The following PLA2G4E variants were observed in gnomAD, a reference collection of about 807,000 sequenced individuals.
PLA2G4E encodes phospholipase A2 group IVE.
A neutral mutation model predicts 109.1 loss-of-function variants in PLA2G4E; 84 were observed. That is an observed-to-expected ratio of 0.77 (90% CI 0.65 to 0.92). The LOEUF (loss-of-function observed/expected upper bound fraction) is 0.92, where lower values mean the gene tolerates loss of function less well. Among genes scored for constraint, PLA2G4E ranks in the 40% least tolerant of loss-of-function variants. The pLI, the probability that PLA2G4E is intolerant of heterozygous loss-of-function variation, is 0.00. For synonymous variants in PLA2G4E, 469 were observed against 436.1 expected (o/e 1.08, Z -0.94); for missense variants, 1,057 against 1,076.6 (o/e 0.98, Z 0.25).
rs116587171 is a variant in PLA2G4E at position 42,001,131 on chromosome 15, T to C, written c.673+26A>G. 4.6e-3 allele frequency: 7,311 copies of C among 1,596,944 alleles called. 326 individuals carry two copies. The African/African-American group carries it at 0.087, about 19-fold the overall frequency. On this transcript the variant is annotated intron_variant, in intron 7 of 19. Coordinates refer to ENST00000399518, the Ensembl canonical transcript of PLA2G4E. ...GAAGCAGCTCCCCCTTGTCCCCCAG[T>C]AGGCAGAAAAGGCAAAACAGCTCAC...
chr15:42,007,828 G>A (rs765219983), exon 3 of PLA2G4E: 1 of 1,608,844 alleles, frequency 6.2e-7, no homozygotes, highest in Admixed American at 1.7e-5. Flanking sequence ...GAGAGGCGGT[G>A]GGCAGCCAGA....
intron 10 of PLA2G4E, chr15:41,997,497 A>C: frequency 1.1e-5 from 4 of 357,348 alleles, no homozygotes; most frequent in Non-Finnish European, 1.0e-5. Context: ...AGCTGGCACA[A>C]TGCGAGCTGG....
intron 10 of PLA2G4E, 129 bp from the exon 11 acceptor site, chr15:41,997,388 C>T (rs990057201): frequency 1.9e-5 from 20 of 1,065,242 alleles, no homozygotes; most frequent in Non-Finnish European, 2.3e-5. Context: ...GACCTTGGGT[C>T]TCCACTTTCC....
chr15:42,037,613 A>G (rs556340386), intron 1 of PLA2G4E, among the ~76,000 whole-genome samples: 378 of 152,330 alleles, frequency 2.5e-3, no homozygotes, highest in African/African-American at 8.7e-3. Flanking sequence ...TAAAAGATCT[A>G]TAACACAAAC....
At chr15:42,023,825 A>G (rs901648034) in intron 1 of PLA2G4E, among the ~76,000 whole-genome samples, 6 of 152,206 alleles carry the variant, frequency 3.9e-5, no homozygotes, top group African/African-American at 7.2e-5. Context: ...AACTCCTCAG[A>G]GCAGGGTCTC....
rs1320706168 is a variant in PLA2G4E, at chr15:42,013,574, C to T, written c.256+111G>A. 246 of 1,008,140 alleles carry T rather than the reference C, an allele frequency of 2.4e-4. 3 individuals are homozygous for T. Among genetic ancestry groups the T allele is most frequent in the Non-Finnish European group, 3.1e-4 (209 of 670,056 alleles). 62.4% of individuals were successfully genotyped at this position (1,008,140 alleles called of 1,614,324 possible). ...TACACGTATACACCATGCACGTGCA[C>T]ACGTGCGCGCGCACACACACACACG... On this transcript the variant is annotated intron_variant, in intron 2 of 19. Coordinates refer to ENST00000399518, the Ensembl canonical transcript of PLA2G4E.
intron 12 of PLA2G4E, among the ~76,000 whole-genome samples, chr15:41,993,544 T>C (rs1022029994): frequency 4.6e-5 from 7 of 152,122 alleles, no homozygotes; most frequent in Non-Finnish European, 1.0e-4. Context: ...TCCCTTTCTC[T>C]TCTTAACTTA....
At chr15:42,030,897 C>T (rs1398137624) in intron 1 of PLA2G4E, among the ~76,000 whole-genome samples, 1 of 152,224 alleles carries the variant, frequency 6.6e-6, no homozygotes, top group African/African-American at 2.4e-5. Context: ...TTTTTCATTG[C>T]TGTGTAGCAT....
Position 42,006,551 on chromosome 15 carries a change from C to T in PLA2G4E, c.394-430G>A, listed in dbSNP as rs147026348. Among the ~76,000 whole-genome samples, 4 of 152,296 alleles carry T rather than the reference C, an allele frequency of 2.6e-5. No individual in the cohort carries two copies. In the East Asian group the frequency reaches 5.8e-4, roughly 22 times the overall value. The stretch of plus-strand genomic sequence containing the variant: ...TGCTAGAAAATCCAGATTAGGGAAT[C>T]GAACATCTAACACTCCAGGGAGTGA... On this transcript the variant is annotated intron_variant, in intron 3 of 19. Coordinates refer to ENST00000399518, the Ensembl canonical transcript of PLA2G4E.
At chr15:42,002,529 C>A (rs917627970) in intron 6 of PLA2G4E, 125 bp downstream of exon 6, 3 of 1,114,256 alleles carry the variant, frequency 2.7e-6, no homozygotes. Context: ...TAGTCTAACT[C>A]CTGCAGAGGT....
chr15:42,010,265 A>G, intron 2 of PLA2G4E: 1 of 417,454 alleles, frequency 2.4e-6, no homozygotes, highest in Non-Finnish European at 5.0e-6. Flanking sequence ...TGGACCCTGT[A>G]AGAGCCCCTT....
intron 12 of PLA2G4E, among the ~76,000 whole-genome samples, chr15:41,993,283 G>C (rs541140295): frequency 6.6e-6 from 1 of 152,332 alleles, no homozygotes; most frequent in African/African-American, 2.4e-5. Context: ...TCTTGGGCAA[G>C]CTACTTAATC....
intron 1 of PLA2G4E, among the ~76,000 whole-genome samples, chr15:42,025,131 G>T (rs2068682205): frequency 6.6e-6 from 1 of 151,188 alleles, no homozygotes; most frequent in African/African-American, 2.4e-5. Flanking sequence ...GGGAGGCGGA[G>T]CTTGCAGTGA....
chr15:42,002,612 G>C (rs2068433013), intron 6 of PLA2G4E, 42 bp downstream of exon 6: 1 of 1,546,520 alleles, frequency 6.5e-7, no homozygotes, highest in Non-Finnish European at 8.8e-7. Context: ...GCAGCAGCCA[G>C]CCGTGGCCTC....
At chr15:42,014,099 C>A (rs1199279862) in intron 1 of PLA2G4E, among the ~76,000 whole-genome samples, 2 of 151,938 alleles carry the variant, frequency 1.3e-5, no homozygotes, top group African/African-American at 2.4e-5. Flanking sequence ...ACCACGTTGT[C>A]CAGGCTGGTC....
chr15:41,987,096 T>A lies in PLA2G4E; in HGVS notation c.2035+76A>T, dbSNP rs1217580497. 8 of 1,451,798 alleles carry A rather than the reference T, an allele frequency of 5.5e-6. No homozygotes were observed. The African/African-American group carries it at 8.4e-5, about 15-fold the overall frequency. 89.9% of individuals were successfully genotyped at this position (1,451,798 alleles called of 1,614,324 possible). On this transcript the variant is annotated intron_variant, in intron 17 of 19. Transcript: ENST00000399518. ...GCCAGAGAAGTTTTCTTATTCTTTA[T>A]CCATGGCAGCCTTGACATCCACATC...
intron 1 of PLA2G4E, among the ~76,000 whole-genome samples, chr15:42,022,762 G>A (rs2141066676): frequency 6.6e-6 from 1 of 152,290 alleles, no homozygotes; most frequent in East Asian, 1.9e-4. Context: ...CCTGCTGTGT[G>A]GCCTGGTTCC....
intron 1 of PLA2G4E, among the ~76,000 whole-genome samples, chr15:42,029,649 T>C (rs1889079762): frequency 6.6e-6 from 1 of 151,958 alleles, no homozygotes; most frequent in Admixed American, 6.5e-5. Flanking sequence ...TAGACCTGGG[T>C]TTGTACCTTC....
At chr15:41,988,903 T>A (rs1351455010) in intron 15 of PLA2G4E, among the ~76,000 whole-genome samples, 1 of 152,194 alleles carries the variant, frequency 6.6e-6, no homozygotes, top group Non-Finnish European at 1.5e-5. Context: ...TAAGGGCGTG[T>A]TGGGGCTGTG....
Sources: gnomAD v4.1 joint callset for allele counts (sites outside exome capture counted in the v4.1 genomes callset) on GRCh38, gnomAD v4.1.1 for gene constraint, MANE v1.5 for transcripts, NCBI Gene and HGNC (gene_info 2026-07-23, HGNC 2026-07-21) for gene names.